CDH18: variants seen among roughly 807,000 people sequenced by gnomAD.
The protein encoded by CDH18 is cadherin-18.
CDH18 carries 31 observed loss-of-function variants against 67.9 expected under a neutral mutation model. The observed-to-expected ratio is 0.46, with a 90% confidence interval of 0.34 to 0.62. The LOEUF (loss-of-function observed/expected upper bound fraction) is 0.62. CDH18 is among the 20% of genes least tolerant of loss of function. The pLI is 0.01. For missense variants in CDH18, 890 were observed against 975.5 expected (o/e 0.91, Z 1.17); for synonymous variants, 362 against 347.2 (o/e 1.04, Z -0.48).
rs559356982 is a variant in CDH18, at chr5:20,469,820, C to T, written c.-580+105642G>A. ...CTGACCTCCAGGTCTCTCCTCAATTCGTGGCATTTTTAGCTCCTGCCTCAC... is the reference window on the plus strand; with the variant it reads ...CTGACCTCCAGGTCTCTCCTCAATTTGTGGCATTTTTAGCTCCTGCCTCAC... On this transcript the variant is annotated intron_variant, in intron 1 of 14. Coordinates refer to the CDH18 transcript ENST00000507958. 8.6e-4 allele frequency among the ~76,000 whole-genome samples: 131 copies of T among 152,184 alleles called. No homozygotes were observed. In the Middle Eastern group the frequency reaches 0.02, roughly 24 times the overall value.
chr5:20,305,681 C>T, intron 1 of CDH18: 5 of 466,974 alleles, frequency 1.1e-5, no homozygotes, highest in Non-Finnish European at 1.9e-5. Flanking sequence ...GATCCTCACG[C>T]TGTGTTCGGC....
intron 7 of CDH18, among the ~76,000 whole-genome samples, chr5:19,582,611 C>G (rs915494485): frequency 6.6e-6 from 1 of 151,944 alleles, no homozygotes; most frequent in African/African-American, 2.4e-5. Context: ...GAATATAAAA[C>G]AGAAACTTAG....
intron 4 of CDH18, among the ~76,000 whole-genome samples, chr5:19,742,229 T>C (rs1769307514): frequency 6.6e-6 from 1 of 152,144 alleles, no homozygotes; most frequent in African/African-American, 2.4e-5. Flanking sequence ...AGTGGCTCCA[T>C]AATCATTACT....
intron 2 of CDH18, among the ~76,000 whole-genome samples, chr5:19,980,737 T>C (rs557831118): frequency 1.2e-4 from 19 of 152,174 alleles, no homozygotes; most frequent in Non-Finnish European, 2.6e-4. Flanking sequence ...TACAAATTTG[T>C]ATTTTATACC....
intron 1 of CDH18, among the ~76,000 whole-genome samples, chr5:20,565,544 T>A (rs1164093042): frequency 6.6e-6 from 1 of 152,110 alleles, no homozygotes; most frequent in African/African-American, 2.4e-5. Flanking sequence ...ACTTGACTGC[T>A]GTGGAGGGCA....
chr5:20,527,512 A>T (rs1459438223), intron 1 of CDH18, among the ~76,000 whole-genome samples: 2 of 152,102 alleles, frequency 1.3e-5, no homozygotes, highest in Non-Finnish European at 2.9e-5. Flanking sequence ...GCAGAAAGAA[A>T]GGTGAGGTTA....
At chr5:20,130,784 T>C (rs1749206010) in intron 2 of CDH18, among the ~76,000 whole-genome samples, 1 of 152,050 alleles carries the variant, frequency 6.6e-6, no homozygotes, top group African/African-American at 2.4e-5. Flanking sequence ...ATATAAGTAA[T>C]ATTTTATTCC....
chr5:20,216,927 G>A (rs1464432706), intron 2 of CDH18, among the ~76,000 whole-genome samples: 1 of 151,876 alleles, frequency 6.6e-6, no homozygotes, highest in East Asian at 1.9e-4. Context: ...CATACAGCGG[G>A]CAGCAGCAGT....
At chr5:19,932,598 C>T (rs1454892328) in intron 2 of CDH18, among the ~76,000 whole-genome samples, 1 of 151,682 alleles carries the variant, frequency 6.6e-6, no homozygotes, top group African/African-American at 2.4e-5. Context: ...CAAGCATCAC[C>T]TTTTCCCCAC....
chr5:19,558,327 CATACA>C (rs1273083801), intron 8 of CDH18, among the ~76,000 whole-genome samples: 24 of 151,804 alleles, frequency 1.6e-4, no homozygotes, highest in African/African-American at 5.3e-4. Context: ...AAACAAAAAA[CATACA>C]ATACAATAGA....
chr5:20,024,352 T>C (rs374149565), intron 2 of CDH18, among the ~76,000 whole-genome samples: 2 of 152,172 alleles, frequency 1.3e-5, no homozygotes, highest in East Asian at 3.9e-4. Context: ...CTATATAAAA[T>C]AAATAATAGA....
chr5:19,930,324 G>A (rs1405695356), intron 2 of CDH18, among the ~76,000 whole-genome samples: 3 of 151,842 alleles, frequency 2.0e-5, no homozygotes, highest in South Asian at 2.1e-4. Flanking sequence ...AATGGAGAGC[G>A]AGCAAGGAGA....
At chr5:20,488,252 A>C (rs943689956) in intron 1 of CDH18, among the ~76,000 whole-genome samples, 1 of 152,114 alleles carries the variant, frequency 6.6e-6, no homozygotes, top group African/African-American at 2.4e-5. Context: ...GCAGCCTGTA[A>C]TTGTATTTCA....
At chr5:20,184,475 G>T (rs765903932) in intron 2 of CDH18, among the ~76,000 whole-genome samples, 1 of 152,074 alleles carries the variant, frequency 6.6e-6, no homozygotes, top group Admixed American at 6.6e-5. Context: ...TCTAATACAA[G>T]GTTAAGGCAG....
intron 2 of CDH18, among the ~76,000 whole-genome samples, chr5:19,944,038 T>C (rs1234569999): frequency 6.6e-6 from 1 of 152,126 alleles, no homozygotes; most frequent in Admixed American, 6.6e-5. Context: ...TGTTATTCAC[T>C]TTTAATTTAA....
chr5:19,715,313 C>T (rs992471984), intron 5 of CDH18, among the ~76,000 whole-genome samples: 22 of 152,086 alleles, frequency 1.4e-4, no homozygotes, highest in African/African-American at 3.9e-4. Context: ...TTATATCCTA[C>T]GAAATTCATT....
chr5:19,684,339 TA>T (rs1440086851), intron 5 of CDH18, among the ~76,000 whole-genome samples: 1 of 151,626 alleles, frequency 6.6e-6, no homozygotes, highest in East Asian at 1.9e-4. Context: ...ATATATGAAT[TA>T]AAATTGTATT....
intron 2 of CDH18, among the ~76,000 whole-genome samples, chr5:20,051,080 C>A (rs559485734): frequency 6.6e-6 from 1 of 151,786 alleles, no homozygotes; most frequent in Non-Finnish European, 1.5e-5. Context: ...AATGTATTAA[C>A]GTATTTTACT....
Position 19,517,735 on chromosome 5 carries a change from T to C in CDH18, c.1512+2922A>G, listed in dbSNP as rs375517351. On this transcript the variant is annotated intron_variant, in intron 10 of 12. Coordinates refer to ENST00000382275, the MANE Select transcript of CDH18 (RefSeq NM_004934.5). ...GAATAACTTTCAGCTATAATCATCT[T>C]AAATATTATTTCAGTCCCATTCTCT... Among the ~76,000 whole-genome samples the C allele has an allele frequency of 3.3e-5, 5 of 152,130 alleles. No homozygotes were observed. In the South Asian group the frequency reaches 8.3e-4, roughly 25 times the overall value.
Sources: gnomAD v4.1 joint callset for allele counts (sites outside exome capture counted in the v4.1 genomes callset) on GRCh38, gnomAD v4.1.1 for gene constraint, MANE v1.5 for transcripts, NCBI Gene and HGNC (gene_info 2026-07-23, HGNC 2026-07-21) for gene names.